ERBB4: variants seen among roughly 807,000 people sequenced by gnomAD.
The protein encoded by ERBB4 is receptor tyrosine-protein kinase erbB-4.
In ERBB4, 42 loss-of-function variants were observed where a neutral mutation model predicts 158.0. The observed-to-expected ratio is 0.27, with a 90% CI of 0.21 to 0.34. The LOEUF is 0.34. ERBB4 is among the 10% of genes least tolerant of loss of function. The pLI, the probability that ERBB4 is intolerant of heterozygous loss-of-function variation, is 1.00. For missense variants in ERBB4, 1,333 were observed against 1,624.1 expected (o/e 0.82, Z 3.08); for synonymous variants, 583 against 558.7 (o/e 1.04, Z -0.61).
chr2:211,868,079 A>T (rs2078253860), intron 3 of ERBB4, among the ~76,000 whole-genome samples: 1 of 152,190 alleles, frequency 6.6e-6, no homozygotes, highest in Admixed American at 6.5e-5. Flanking sequence ...AGTACATAGA[A>T]CTGCAGTTCT....
At chr2:211,397,279 T>C (rs1447446496) in intron 25 of ERBB4, among the ~76,000 whole-genome samples, 1 of 152,206 alleles carries the variant, frequency 6.6e-6, no homozygotes, top group Non-Finnish European at 1.5e-5. Flanking sequence ...GTGAACCATT[T>C]TGGAATTTTC....
In ERBB4 at chr2:212,208,443, C is replaced by A. The variant is rs549634109; in HGVS notation, c.83-83540G>T. On this transcript the variant is annotated intron_variant, in intron 1 of 27. Coordinates refer to ENST00000342788, the MANE Select transcript of ERBB4 (RefSeq NM_005235.3). ...GAAAGATTCAATGAAAGGAAAGAGT[C>A]CTTGATAAAAGAGAGACAAAGCTTG... 5.3e-5 allele frequency among the ~76,000 whole-genome samples: 8 copies of A among 151,914 alleles called. No homozygotes were observed. The South Asian group carries it at 1.5e-3, about 28-fold the overall frequency.
intron 1 of ERBB4, among the ~76,000 whole-genome samples, chr2:212,521,728 G>A (rs1010236554): frequency 1.3e-5 from 2 of 151,920 alleles, no homozygotes; most frequent in Non-Finnish European, 2.9e-5. Context: ...TAGATGGGAT[G>A]ATTGAAGCTT....
At chr2:212,082,104 T>C (rs954912015) in intron 2 of ERBB4, among the ~76,000 whole-genome samples, 4 of 152,132 alleles carry the variant, frequency 2.6e-5, no homozygotes, top group African/African-American at 9.6e-5. Context: ...GACACTCTTC[T>C]GCATGAACCA....
chr2:212,090,239 T>C (rs1049618304), intron 2 of ERBB4, among the ~76,000 whole-genome samples: 1 of 150,304 alleles, frequency 6.7e-6, no homozygotes, highest in African/African-American at 2.4e-5. Flanking sequence ...TAAACAAAAA[T>C]ACAATGCAAT....
chr2:211,859,107 G>T (rs1309858943), intron 3 of ERBB4, among the ~76,000 whole-genome samples: 1 of 152,062 alleles, frequency 6.6e-6, no homozygotes, highest in Non-Finnish European at 1.5e-5. Flanking sequence ...AATGTAACTT[G>T]ATAATATTGT....
chr2:212,134,022 T>A (rs1244952937), intron 1 of ERBB4, among the ~76,000 whole-genome samples: 1 of 152,154 alleles, frequency 6.6e-6, no homozygotes. Flanking sequence ...TTTTTTTCAA[T>A]TGATGGGTAA....
At chr2:211,504,659 C>T (rs2065700547) in intron 20 of ERBB4, among the ~76,000 whole-genome samples, 1 of 151,966 alleles carries the variant, frequency 6.6e-6, no homozygotes, top group Non-Finnish European at 1.5e-5. Context: ...ATATGGATTG[C>T]AAGGAAGACC....
At chr2:211,525,540 A>G (rs1574672014) in intron 20 of ERBB4, among the ~76,000 whole-genome samples, 1 of 152,156 alleles carries the variant, frequency 6.6e-6, no homozygotes, top group African/African-American at 2.4e-5. Flanking sequence ...ACCAAGAACG[A>G]TATGCACATA....
chr2:212,298,617 G>T (rs1043588378), intron 1 of ERBB4, among the ~76,000 whole-genome samples: 1 of 151,728 alleles, frequency 6.6e-6, no homozygotes, highest in East Asian at 2.0e-4. Context: ...TACCTCTCAT[G>T]TCTAAGATAC....
chr2:212,518,882 G>A (rs757043137), intron 1 of ERBB4, among the ~76,000 whole-genome samples: 12 of 151,928 alleles, frequency 7.9e-5, no homozygotes, highest in Non-Finnish European at 1.2e-4. Flanking sequence ...CTGGGGACCT[G>A]AATAGTTGCA....
intron 16 of ERBB4, among the ~76,000 whole-genome samples, chr2:211,651,248 T>C (rs1257803587): frequency 6.6e-6 from 1 of 152,152 alleles, no homozygotes; most frequent in Non-Finnish European, 1.5e-5. Flanking sequence ...AATACATTAT[T>C]TGAAGATAGT....
chr2:211,541,181 C>T (rs888617579), intron 20 of ERBB4, among the ~76,000 whole-genome samples: 5 of 151,778 alleles, frequency 3.3e-5, no homozygotes, highest in Admixed American at 6.6e-5. Context: ...CTTGTCTTGG[C>T]GCTCAAGGGA....
At chr2:212,095,953 A>AG (rs949783053) in intron 2 of ERBB4, among the ~76,000 whole-genome samples, 1 of 151,142 alleles carries the variant, frequency 6.6e-6, no homozygotes, top group African/African-American at 2.4e-5. Flanking sequence ...AAAGAAAAAA[A>AG]AAAAAAGAAA....
intron 1 of ERBB4, among the ~76,000 whole-genome samples, chr2:212,440,655 A>G (rs977627485): frequency 6.6e-5 from 10 of 152,114 alleles, no homozygotes; most frequent in Non-Finnish European, 1.3e-4. Context: ...CTAGACCCCA[A>G]AATGCTATGG....
chr2:212,365,090 A>G (rs903878554), intron 1 of ERBB4, among the ~76,000 whole-genome samples: 1 of 151,714 alleles, frequency 6.6e-6, no homozygotes, highest in African/African-American at 2.4e-5. Context: ...TTGAAAAAAA[A>G]TGCTTAAAAC....
intron 19 of ERBB4, among the ~76,000 whole-genome samples, chr2:211,596,980 G>A (rs2068652418): frequency 6.6e-6 from 1 of 152,030 alleles, no homozygotes; most frequent in African/African-American, 2.4e-5. Flanking sequence ...TGGCCAGGCT[G>A]GTCTCAAACT....
In ERBB4 at chr2:211,944,195, A is replaced by AGTG. The variant is rs1358624462; in HGVS notation, c.421+3234_421+3235insCAC. The stretch of plus-strand genomic sequence containing the variant: ...ATATATACTATATATATATATATAT[A>AGTG]TATACTATATATATATATACACACA... On this transcript the variant is annotated intron_variant, in intron 3 of 27. Coordinates refer to ENST00000342788, the MANE Select transcript of ERBB4 (RefSeq NM_005235.3). Among the ~76,000 whole-genome samples, 48 of 45,410 alleles carry AGTG rather than the reference A, an allele frequency of 1.1e-3. 1 individual carries two copies. Among genetic ancestry groups the AGTG allele is most frequent in the South Asian group, 5.4e-3 (12 of 2,202 alleles). 29.8% of individuals were successfully genotyped at this position (45,410 alleles called of 152,430 possible).
At chr2:211,689,161 G>A (rs1396680893) in intron 12 of ERBB4, among the ~76,000 whole-genome samples, 1 of 152,092 alleles carries the variant, frequency 6.6e-6, no homozygotes, top group African/African-American at 2.4e-5. Context: ...AGAGGAAGAG[G>A]TTTCTCTCAT....
Sources: gnomAD v4.1 joint callset for allele counts (sites outside exome capture counted in the v4.1 genomes callset) on GRCh38, gnomAD v4.1.1 for gene constraint, MANE v1.5 for transcripts, NCBI Gene and HGNC (gene_info 2026-07-23, HGNC 2026-07-21) for gene names.